The following FTO variants were observed in gnomAD, a reference collection of about 807,000 sequenced individuals.
The protein encoded by FTO is alpha-ketoglutarate-dependent dioxygenase FTO.
Under a neutral mutation model 63.9 loss-of-function variants are expected in FTO, and 47 were observed. The ratio of observed to expected loss-of-function variants is 0.74; its 90% confidence interval spans 0.58 to 0.94. The LOEUF (loss-of-function observed/expected upper bound fraction) is 0.94. FTO is among the 40% of genes least tolerant of loss of function. The pLI is 0.00. For missense variants in FTO, 562 were observed against 618.1 expected (o/e 0.91, Z 0.96); for synonymous variants, 207 against 224.4 (o/e 0.92, Z 0.69).
intron 8 of FTO, among the ~76,000 whole-genome samples, chr16:54,095,102 G>C (rs567042673): frequency 6.6e-6 from 1 of 152,020 alleles, no homozygotes; most frequent in Admixed American, 6.6e-5. Flanking sequence ...ACAGAGTCTC[G>C]CTATGTTACC....
intron 1 of FTO, among the ~76,000 whole-genome samples, chr16:53,704,916 C>A (rs1219648178): frequency 6.6e-6 from 1 of 152,184 alleles, no homozygotes; most frequent in African/African-American, 2.4e-5. Context: ...CCCAGCTTCA[C>A]AGATGAAGAA....
At chr16:53,704,034 G>C, upstream of FTO, 4 of 843,336 alleles carry the variant, frequency 4.7e-6, no homozygotes, top group Non-Finnish European at 7.9e-6. Context: ...GGGTGTCGCC[G>C]CGGTGCATCC....
intron 7 of FTO, 101 bp from the exon 8 acceptor site, chr16:53,933,884 A>G (rs1287700353): frequency 1.4e-5 from 16 of 1,169,626 alleles, no homozygotes; most frequent in Non-Finnish European, 1.9e-5. Flanking sequence ...GGGGAACTGT[A>G]ATAAAAAAGC....
At chr16:53,994,899 A>C (rs1379426217) in intron 8 of FTO, among the ~76,000 whole-genome samples, 1 of 151,522 alleles carries the variant, frequency 6.6e-6, no homozygotes. Flanking sequence ...ACTCCCAGCT[A>C]ATTTTTGTAT....
chr16:54,098,333 A>G (rs2086559839), intron 8 of FTO, among the ~76,000 whole-genome samples: 1 of 152,248 alleles, frequency 6.6e-6, no homozygotes, highest in Admixed American at 6.5e-5. Flanking sequence ...AGAGAAATCC[A>G]GAAAGACCCA....
chr16:53,982,558 A>G (rs1258582234), intron 8 of FTO, among the ~76,000 whole-genome samples: 1 of 152,184 alleles, frequency 6.6e-6, no homozygotes, highest in Non-Finnish European at 1.5e-5. Flanking sequence ...ACCTGCTTGC[A>G]TGAACTTGTT....
intron 8 of FTO, among the ~76,000 whole-genome samples, chr16:54,001,502 A>T (rs1159547371): frequency 1.3e-5 from 2 of 152,188 alleles, no homozygotes; most frequent in Non-Finnish European, 2.9e-5. Context: ...TATTCTAATG[A>T]TGGAGGAAAA....
intron 1 of FTO, among the ~76,000 whole-genome samples, chr16:53,779,821 T>C (rs2077545075): frequency 6.6e-6 from 1 of 152,182 alleles, no homozygotes; most frequent in East Asian, 1.9e-4. Flanking sequence ...TGTTAGATGC[T>C]CTAGTAGGTG....
intron 1 of FTO, among the ~76,000 whole-genome samples, chr16:53,746,264 C>T (rs2076649687): frequency 6.6e-6 from 1 of 152,168 alleles, no homozygotes; most frequent in Non-Finnish European, 1.5e-5. Context: ...TTCCCTTTCC[C>T]TGCCACAGTG....
intron 8 of FTO, among the ~76,000 whole-genome samples, chr16:54,012,909 A>T (rs2084361776): frequency 6.6e-6 from 1 of 152,070 alleles, no homozygotes; most frequent in Admixed American, 6.6e-5. Flanking sequence ...TCTGATGGAG[A>T]TAAATGAGAT....
intron 8 of FTO, chr16:54,040,866 G>C (rs1436174664): frequency 1.3e-5 from 2 of 152,148 alleles, no homozygotes; most frequent in Non-Finnish European, 2.9e-5. Context: ...ACTTTTAAAA[G>C]CCATCAACAA....
chr16:53,958,375 G>A (rs57957459), intron 8 of FTO, among the ~76,000 whole-genome samples: 22,550 of 152,156 alleles, frequency 0.15, 2,021 homozygotes, highest in Admixed American at 0.22. Flanking sequence ...CTCCTCCAGC[G>A]TGGAAAGCTT....
chr16:53,983,172 G>A (rs1024202882), intron 8 of FTO, among the ~76,000 whole-genome samples: 1 of 152,104 alleles, frequency 6.6e-6, no homozygotes, highest in African/African-American at 2.4e-5. Flanking sequence ...AAGAATGATG[G>A]TTTTTCTCCA....
chr16:53,883,204 G>A (rs2080887776), intron 6 of FTO, among the ~76,000 whole-genome samples: 1 of 152,148 alleles, frequency 6.6e-6, no homozygotes, highest in African/African-American at 2.4e-5. Flanking sequence ...ACATGCATAT[G>A]GGCTGTTGTA....
chr16:54,071,484 GTCTTGGCTTCCTTGTTTTGT>G (rs555701634), intron 8 of FTO: 1 of 152,388 alleles, frequency 6.6e-6, no homozygotes, highest in Admixed American at 6.5e-5. Flanking sequence ...TTAGGAGGGT[GTCTTGGCTTCCTTGTTTTGT>G]TCTTGTATCA....
chr16:53,916,703 G>A (rs2081876372), intron 7 of FTO, among the ~76,000 whole-genome samples: 3 of 152,228 alleles, frequency 2.0e-5, no homozygotes, highest in Admixed American at 6.5e-5. Flanking sequence ...TTAAGGACTT[G>A]TGTGATCTTC....
intron 8 of FTO, among the ~76,000 whole-genome samples, chr16:54,101,029 A>G (rs1409783353): frequency 6.6e-6 from 1 of 151,932 alleles, no homozygotes; most frequent in Non-Finnish European, 1.5e-5. Flanking sequence ...TTATCTCCTC[A>G]TCTTCTGACC....
At chr16:54,052,668 C>T (rs11076015) in intron 8 of FTO, 38,676 of 151,932 alleles carry the variant, frequency 0.25, 5,730 homozygotes, top group East Asian at 0.45. Flanking sequence ...ATCTAAAATA[C>T]GGATAATAAG....
At chr16:53,809,887 G>A (rs2078474825) in intron 1 of FTO, among the ~76,000 whole-genome samples, 1 of 151,964 alleles carries the variant, frequency 6.6e-6, no homozygotes, top group Non-Finnish European at 1.5e-5. Flanking sequence ...GTTATAGTGA[G>A]TTGTGATCAC....
Sources: allele counts gnomAD v4.1 joint callset (sites outside exome capture counted in the v4.1 genomes callset), GRCh38; gene constraint gnomAD v4.1.1; transcripts MANE v1.5; gene names NCBI Gene and HGNC (gene_info 2026-07-23, HGNC 2026-07-21).